MEOX2: variants seen among roughly 807,000 people sequenced by gnomAD.
MEOX2 encodes the protein mesenchyme homeobox 2.
A neutral mutation model predicts 27.0 loss-of-function variants in MEOX2; 11 were observed. That is an observed-to-expected ratio of 0.41 (90% CI 0.26 to 0.68). MEOX2 has a LOEUF of 0.68. Among genes scored for constraint, MEOX2 ranks in the 30% least tolerant of loss-of-function variants. The pLI, the probability that MEOX2 is intolerant of heterozygous loss-of-function variation, is 0.33. For missense variants in MEOX2, 436 were observed against 385.4 expected (o/e 1.13, Z -1.10); for synonymous variants, 189 against 155.4 (o/e 1.22, Z -1.61).
At chr7:15,655,057 A>G (rs542676806) in intron 1 of MEOX2, among the ~76,000 whole-genome samples, 19 of 151,816 alleles carry the variant, frequency 1.3e-4, no homozygotes, top group Non-Finnish European at 2.1e-4. Flanking sequence ...TCAATTTCCT[A>G]AATAAATTTA....
intron 1 of MEOX2, among the ~76,000 whole-genome samples, chr7:15,659,579 T>C (rs1486138271): frequency 6.6e-6 from 1 of 151,782 alleles, no homozygotes; most frequent in Non-Finnish European, 1.5e-5. Context: ...GCTAACATGG[T>C]GAAACCCTGT....
At chr7:15,639,493 T>C (rs889111964) in intron 1 of MEOX2, among the ~76,000 whole-genome samples, 1 of 152,070 alleles carries the variant, frequency 6.6e-6, no homozygotes, top group South Asian at 2.1e-4. Context: ...TAAGTCCCAT[T>C]TGTCTGCTTT....
chr7:15,650,994 AT>A (rs1292100582), intron 1 of MEOX2, among the ~76,000 whole-genome samples: 1 of 152,054 alleles, frequency 6.6e-6, no homozygotes, highest in Non-Finnish European at 1.5e-5. Context: ...GAGATAGAGC[AT>A]GCGGAATGTA....
Position 15,663,746 on chromosome 7 carries a change from C to T in MEOX2, c.517+22140G>A, listed in dbSNP as rs150215613. Among the ~76,000 whole-genome samples the T allele has an allele frequency of 3.8e-3, 584 of 152,268 alleles. 1 individual carries two copies. Among genetic ancestry groups the T allele is most frequent in the Admixed American group, 5.9e-3 (90 of 15,286 alleles). On this transcript the variant is annotated intron_variant, in intron 1 of 2. Transcript: ENST00000262041. ...TGGGACTATTATAAATTAAATTAAA[C>T]GCACTGTGGCAGGCATTTAAAGAGA...
intron 1 of MEOX2, among the ~76,000 whole-genome samples, chr7:15,648,523 C>T (rs576588682): frequency 2.0e-5 from 3 of 152,052 alleles, no homozygotes; most frequent in South Asian, 2.1e-4. Flanking sequence ...GATAGCAGGC[C>T]GGAGAAAGGG....
intron 1 of MEOX2, among the ~76,000 whole-genome samples, chr7:15,634,770 T>G (rs1347361329): frequency 6.6e-6 from 1 of 151,986 alleles, no homozygotes; most frequent in Non-Finnish European, 1.5e-5. Flanking sequence ...TCCAAGCCAA[T>G]GACGAGATTA....
chr7:15,624,976 T>C (rs934296452), intron 2 of MEOX2, among the ~76,000 whole-genome samples: 2 of 152,176 alleles, frequency 1.3e-5, no homozygotes, highest in African/African-American at 2.4e-5. Context: ...AAACTGCTTC[T>C]AAAGATAAAT....
chr7:15,616,912 T>C (rs2115353717), intron 2 of MEOX2, among the ~76,000 whole-genome samples: 1 of 151,822 alleles, frequency 6.6e-6, no homozygotes, highest in Non-Finnish European at 1.5e-5. Flanking sequence ...GTCAAGAAAA[T>C]GGAGGAAATG....
chr7:15,679,560 C>G (rs935698818), intron 1 of MEOX2: 13 of 151,988 alleles, frequency 8.6e-5, no homozygotes, highest in African/African-American at 3.1e-4. Flanking sequence ...GAGCTATAAT[C>G]AGTACCCTAA....
intron 2 of MEOX2, among the ~76,000 whole-genome samples, chr7:15,621,608 G>A (rs530867944): frequency 6.6e-6 from 1 of 152,204 alleles, no homozygotes; most frequent in East Asian, 1.9e-4. Context: ...AATTATTATT[G>A]CAAATCTTCA....
At chr7:15,649,822 A>T (rs553600207) in intron 1 of MEOX2, among the ~76,000 whole-genome samples, 18 of 152,170 alleles carry the variant, frequency 1.2e-4, no homozygotes, top group African/African-American at 4.1e-4. Context: ...GTAGATCAGG[A>T]CACTATGCTG....
chr7:15,623,543 T>C (rs1781251572), intron 2 of MEOX2, among the ~76,000 whole-genome samples: 3 of 152,264 alleles, frequency 2.0e-5, no homozygotes, highest in South Asian at 4.1e-4. Context: ...CTCATTTTTG[T>C]ATTTGTAGTA....
intron 1 of MEOX2, among the ~76,000 whole-genome samples, chr7:15,684,085 C>G (rs973173545): frequency 1.8e-4 from 28 of 152,136 alleles, no homozygotes; most frequent in African/African-American, 6.0e-4. Flanking sequence ...TTTCCCCAAA[C>G]AAAATAACAT....
chr7:15,627,768 A>G (rs1250275529), intron 1 of MEOX2, among the ~76,000 whole-genome samples: 2 of 148,714 alleles, frequency 1.3e-5, no homozygotes, highest in Admixed American at 6.8e-5. Flanking sequence ...GTCAGAAGAC[A>G]TTCTTAATAT....
chr7:15,626,344 T>C (rs890098941), intron 2 of MEOX2, among the ~76,000 whole-genome samples: 1 of 152,104 alleles, frequency 6.6e-6, no homozygotes, highest in Admixed American at 6.6e-5. Flanking sequence ...AATGTGTTAC[T>C]GCAACTTATC....
intron 1 of MEOX2, among the ~76,000 whole-genome samples, chr7:15,644,354 A>G (rs963518180): frequency 1.3e-5 from 2 of 152,136 alleles, no homozygotes; most frequent in African/African-American, 4.8e-5. Flanking sequence ...GTGGCTAAAT[A>G]TGGTGCCTGG....
In MEOX2 at chr7:15,686,181, G is replaced by C. The variant is rs199751527; in HGVS notation, c.222C>G (p.His74Gln). 45 of 1,542,844 alleles carry C rather than the reference G, an allele frequency of 2.9e-5. No individual in the cohort carries two copies. The highest frequency in any genetic ancestry group is 1.8e-5 in the Admixed American group (1 of 56,332). The change falls in exon 1 of 3, where the codon CAC becomes CAG. Residue 74 changes from histidine (H) to glutamine (Q), a missense_variant. Physicochemically the swap from His to Gln is conservative, Grantham distance 24. Transcript: ENST00000262041. The part of the protein sequence containing the change: ...HHRGHHHHHH[H>Q]HHHHHHQQQQ... ...GCTGCTGATGGTGGTGATGGTGGTG[G>C]TGGTGGTGGTGGTGGTGGTGCCCCC...
chr7:15,649,758 AGTATGGG>A (rs1174989709), intron 1 of MEOX2, among the ~76,000 whole-genome samples: 2 of 152,058 alleles, frequency 1.3e-5, no homozygotes, highest in Admixed American at 1.3e-4. Flanking sequence ...GACAGCAATG[AGTATGGG>A]GTATTGCAAA....
intron 1 of MEOX2, among the ~76,000 whole-genome samples, chr7:15,642,970 T>C (rs916451130): frequency 1.1e-4 from 17 of 152,336 alleles, no homozygotes; most frequent in African/African-American, 4.1e-4. Flanking sequence ...TCAAACTCAC[T>C]GTCTCCTACA....
Sources: gnomAD v4.1 joint callset for allele counts (sites outside exome capture counted in the v4.1 genomes callset) on GRCh38, gnomAD v4.1.1 for gene constraint, MANE v1.5 for transcripts, NCBI Gene and HGNC (gene_info 2026-07-23, HGNC 2026-07-21) for gene names.